The following NT5DC1 variants were observed in gnomAD, a reference collection of about 807,000 sequenced individuals.
NT5DC1 encodes the protein 5'-nucleotidase domain containing 1, also known as 5'-nucleotidase domain-containing protein 1.
A neutral mutation model predicts 59.4 loss-of-function variants in NT5DC1; 42 were observed. That is an observed-to-expected ratio of 0.71 (90% confidence interval 0.55 to 0.92). NT5DC1 has a LOEUF of 0.92. Among genes scored for constraint, NT5DC1 ranks in the 40% least tolerant of loss-of-function variants. The probability of loss-of-function intolerance (pLI) is 0.00; values close to 1 mark genes in which losing one functional copy is unlikely to be tolerated. For synonymous variants in NT5DC1, 172 were observed against 188.1 expected, an observed-to-expected ratio of 0.91 and a Z score of 0.70; for missense variants, 501 against 537.1, an observed-to-expected ratio of 0.93 and a Z score of 0.66.
chr6:116,176,391 G>T (rs1466037016), intron 6 of NT5DC1, among the ~76,000 whole-genome samples: 1 of 152,182 alleles, frequency 6.6e-6, no homozygotes, highest in Admixed American at 6.5e-5. Context: ...ATAGTTCTCT[G>T]TTCTGGCTCA....
At chr6:116,234,752 T>A (rs1782083601) in intron 8 of NT5DC1, among the ~76,000 whole-genome samples, 1 of 152,242 alleles carries the variant, frequency 6.6e-6, no homozygotes, top group African/African-American at 2.4e-5. Flanking sequence ...TATTTGGGTT[T>A]ATAAACACTG....
intron 6 of NT5DC1, among the ~76,000 whole-genome samples, chr6:116,126,347 C>T (rs2114312842): frequency 6.6e-6 from 1 of 152,014 alleles, no homozygotes; most frequent in African/African-American, 2.4e-5. Context: ...ATAGTTTTAA[C>T]CAAGGACCGT....
At chr6:116,162,903 A>G (rs1780368119) in intron 6 of NT5DC1, among the ~76,000 whole-genome samples, 1 of 151,938 alleles carries the variant, frequency 6.6e-6, no homozygotes, top group African/African-American at 2.4e-5. Flanking sequence ...CAAGGCGGGC[A>G]GATCACGAGG....
intron 6 of NT5DC1, among the ~76,000 whole-genome samples, chr6:116,125,146 A>G (rs1779256088): frequency 6.6e-6 from 1 of 152,214 alleles, no homozygotes; most frequent in African/African-American, 2.4e-5. Flanking sequence ...ATTTTCAAGT[A>G]TATCCTTTCT....
At chr6:116,208,359 C>T (rs560754821) in intron 6 of NT5DC1, among the ~76,000 whole-genome samples, 1 of 152,072 alleles carries the variant, frequency 6.6e-6, no homozygotes, top group Admixed American at 6.6e-5. Flanking sequence ...CAAAACCCTC[C>T]CAAAATGTTT....
chr6:116,116,205 G>A (rs935102801), intron 5 of NT5DC1, among the ~76,000 whole-genome samples: 3 of 152,106 alleles, frequency 2.0e-5, no homozygotes, highest in African/African-American at 7.2e-5. Context: ...ATCATTTAAT[G>A]AATATAAATT....
chr6:116,231,153 C>CCCA (rs1406519445), intron 8 of NT5DC1, among the ~76,000 whole-genome samples: 1 of 146,816 alleles, frequency 6.8e-6, no homozygotes, highest in Non-Finnish European at 1.5e-5. Context: ...GTAAATCCCC[C>CCCA]CCCCAAACCA....
chr6:116,246,105 A>T lies in NT5DC1; in HGVS notation c.*2081A>T, dbSNP rs747113026. On this transcript the variant is annotated 3_prime_UTR_variant, in exon 12 of 12. Transcript: ENST00000319550. ...TGAAGATTAAAAATAATCCAAATCC[A>T]TAAAAATTAAAAAGAAAATATTAAA... is the stretch of plus-strand genomic sequence containing the variant. 7.9e-5 allele frequency: 12 copies of T among 152,296 alleles called. No individual in the cohort carries two copies. Among genetic ancestry groups the T allele is most frequent in the Non-Finnish European group, 1.2e-4 (8 of 68,004 alleles). 9.4% of individuals were successfully genotyped at this position (152,296 alleles called of 1,614,324 possible). A position where few individuals can be genotyped will look rare whatever the true frequency, so the allele number is the denominator to read the frequency against.
chr6:116,228,030 A>G (rs1408113532), intron 8 of NT5DC1, among the ~76,000 whole-genome samples: 2 of 152,216 alleles, frequency 1.3e-5, no homozygotes, highest in Admixed American at 1.3e-4. Flanking sequence ...AAAGTCTGAT[A>G]AAAATTTCAT....
chr6:116,239,162 A>G, intron 11 of NT5DC1, 39 bp downstream of exon 11: 3 of 1,399,072 alleles, frequency 2.1e-6, no homozygotes, highest in African/African-American at 1.4e-5. Context: ...ACCTGTTACT[A>G]GACAATAATG....
At chr6:116,178,102 C>CGT (rs869107614) in intron 6 of NT5DC1, among the ~76,000 whole-genome samples, 4 of 94,472 alleles carry the variant, frequency 4.2e-5, no homozygotes, top group African/African-American at 2.5e-4. Flanking sequence ...CGCGCGCGCG[C>CGT]GTGCGTGCGT....
chr6:116,128,199 T>C (rs891795335), intron 6 of NT5DC1, among the ~76,000 whole-genome samples: 4 of 152,190 alleles, frequency 2.6e-5, no homozygotes, highest in African/African-American at 9.6e-5. Flanking sequence ...CCTTATTGAA[T>C]AAGCCTTGGA....
chr6:116,143,146 C>G (rs1050671161), intron 6 of NT5DC1, among the ~76,000 whole-genome samples: 1 of 152,070 alleles, frequency 6.6e-6, no homozygotes, highest in African/African-American at 2.4e-5. Context: ...TAGATAAACA[C>G]TAAAGGAATT....
chr6:116,133,576 G>A (rs886328451), intron 6 of NT5DC1, among the ~76,000 whole-genome samples: 3 of 152,044 alleles, frequency 2.0e-5, no homozygotes, highest in African/African-American at 4.8e-5. Context: ...GAAACCCATC[G>A]TCAAAACGGA....
At chr6:116,205,126 C>T (rs117290263) in intron 6 of NT5DC1, among the ~76,000 whole-genome samples, 64 of 151,978 alleles carry the variant, frequency 4.2e-4, no homozygotes, top group Non-Finnish European at 6.6e-4. Flanking sequence ...CTGGTTAGGC[C>T]GGTAAAACCC....
intron 11 of NT5DC1, among the ~76,000 whole-genome samples, chr6:116,243,131 G>A (rs1381304653): frequency 1.3e-5 from 2 of 152,020 alleles, no homozygotes; most frequent in African/African-American, 4.8e-5. Flanking sequence ...TTGAACTTCC[G>A]ATTCTTCTTC....
At chr6:116,103,661 C>T (rs1778707409) in intron 1 of NT5DC1, among the ~76,000 whole-genome samples, 1 of 152,134 alleles carries the variant, frequency 6.6e-6, no homozygotes, top group Non-Finnish European at 1.5e-5. Flanking sequence ...TCATGGAGAG[C>T]TGTGAGTGCG....
At chr6:116,184,481 G>A (rs1260467506) in intron 6 of NT5DC1, among the ~76,000 whole-genome samples, 1 of 151,968 alleles carries the variant, frequency 6.6e-6, no homozygotes, top group Non-Finnish European at 1.5e-5. Context: ...TTCTTTGAAT[G>A]TCTGATAGCA....
intron 11 of NT5DC1, among the ~76,000 whole-genome samples, chr6:116,242,599 C>T (rs1344426127): frequency 6.6e-6 from 1 of 152,036 alleles, no homozygotes; most frequent in Non-Finnish European, 1.5e-5. Context: ...TCCTAGTTCT[C>T]AGAACTATAT....
Sources: gnomAD v4.1 joint callset for allele counts (sites outside exome capture counted in the v4.1 genomes callset) on GRCh38, gnomAD v4.1.1 for gene constraint, MANE v1.5 for transcripts, NCBI Gene and HGNC (gene_info 2026-07-23, HGNC 2026-07-21) for gene names.